The following BRWD1 variants were observed in gnomAD, a reference collection of about 807,000 sequenced individuals.
BRWD1 encodes the protein bromodomain and WD repeat domain containing 1.
BRWD1 carries 82 observed loss-of-function variants against 251.2 expected under a neutral mutation model. The observed-to-expected ratio is 0.33, with a 90% confidence interval of 0.27 to 0.39. The LOEUF is 0.39. Among genes scored for constraint, BRWD1 ranks in the 10% least tolerant of loss-of-function variants. The pLI is 1.00. For missense variants in BRWD1, 2,233 were observed against 2,711.6 expected (o/e 0.82, Z 3.92); for synonymous variants, 918 against 902.8 (o/e 1.02, Z -0.30).
At chr21:39,306,057 GTTATCT>G (rs2036277295) in intron 4 of BRWD1, among the ~76,000 whole-genome samples, 1 of 149,872 alleles carries the variant, frequency 6.7e-6, no homozygotes, top group South Asian at 2.1e-4. Flanking sequence ...ATTGAGACTA[GTTATCT>G]TTAAGTATCT....
intron 4 of BRWD1, among the ~76,000 whole-genome samples, chr21:39,310,729 A>AG (rs1230796577): frequency 1.3e-5 from 2 of 152,154 alleles, no homozygotes; most frequent in Non-Finnish European, 2.9e-5. Context: ...TCGCTCACCT[A>AG]GGCTGGAGCA....
intron 13 of BRWD1, 106 bp downstream of exon 13, chr21:39,274,268 C>T: frequency 1.2e-6 from 1 of 852,434 alleles, no homozygotes; most frequent in South Asian, 1.5e-5. Context: ...TAGCTATAAT[C>T]CCCTCAACAA....
At chr21:39,223,076 T>C (rs1182056380) in intron 29 of BRWD1, among the ~76,000 whole-genome samples, 1 of 152,178 alleles carries the variant, frequency 6.6e-6, no homozygotes, top group Non-Finnish European at 1.5e-5. Context: ...GGAGGGATCC[T>C]GGATTAAAGA....
Position 39,296,301 on chromosome 21 carries a change from CAGG to C in BRWD1, c.409_411del (p.Pro137del), listed in dbSNP as rs1177671984. 6.2e-7 allele frequency: 1 copy of C among 1,602,102 alleles called. No individual in the cohort carries two copies. The highest frequency in any genetic ancestry group is 1.8e-5 in the Admixed American group (1 of 57,020). Reference sequence around the variant, plus strand: ...GGGGAACCATAATTCACTGGCATTTCAGGAGGTCTTCCTCTATGAAGAGCAGCA... The same window carrying C: ...GGGGAACCATAATTCACTGGCATTTCAGGTCTTCCTCTATGAAGAGCAGCA... On this transcript the variant is annotated inframe_deletion, in exon 6 of 41. Transcript: ENST00000342449.
Position 39,187,236 on chromosome 21 carries a change from C to G in BRWD1, c.*9023G>C, listed in dbSNP as rs746377233. 6 of 1,613,412 alleles carry G rather than the reference C, an allele frequency of 3.7e-6. No homozygotes were observed. The highest frequency in any genetic ancestry group is 3.3e-5 in the Admixed American group (2 of 59,894). On this transcript the variant is annotated 3_prime_UTR_variant, in exon 41 of 41. Coordinates refer to ENST00000342449, the MANE Select transcript of BRWD1 (RefSeq NM_033656.4). Reference sequence around the variant, plus strand: ...TCCAGACATTTTCTGGTCCTGAGATCGTTTCTTTTAGATTACTCATTATCT... The same window carrying G: ...TCCAGACATTTTCTGGTCCTGAGATGGTTTCTTTTAGATTACTCATTATCT...
chr21:39,235,807 C>A, intron 23 of BRWD1: 1 of 175,220 alleles, frequency 5.7e-6, no homozygotes, highest in Non-Finnish European at 1.3e-5. Context: ...CCTATGCCAG[C>A]ACCCAGTTTC....
chr21:39,265,467 A>T (rs2034890630), intron 15 of BRWD1, among the ~76,000 whole-genome samples: 1 of 149,064 alleles, frequency 6.7e-6, no homozygotes, highest in Admixed American at 6.7e-5. Flanking sequence ...CATTAAGCAT[A>T]TACATCAATC....
Position 39,190,646 on chromosome 21 carries a change from T to C in BRWD1, c.*5613A>G, listed in dbSNP as rs1332197467. 2.0e-6 allele frequency: 2 copies of C among 985,238 alleles called. No individual in the cohort carries two copies. The highest frequency in any genetic ancestry group is 3.5e-5 in the African/African-American group (2 of 57,204). The allele number at this position is 985,238 out of a possible 1,614,324, so 61.0% of individuals were successfully genotyped here. On this transcript the variant is annotated 3_prime_UTR_variant, in exon 41 of 41. Transcript: ENST00000342449. Reference sequence around the variant, plus strand: ...CCAAAACTCAGAAAGCAAATAACATTTATCAATGATCTTCATCCCTCCCAA... The same window carrying C: ...CCAAAACTCAGAAAGCAAATAACATCTATCAATGATCTTCATCCCTCCCAA...
intron 10 of BRWD1, 89 bp downstream of exon 10, chr21:39,278,654 T>C: frequency 1.1e-6 from 1 of 897,302 alleles, no homozygotes; most frequent in Non-Finnish European, 1.7e-6. Context: ...ATTTACCATG[T>C]AGCTAATAAA....
chr21:39,214,501 A>T (rs1257790633), intron 32 of BRWD1, among the ~76,000 whole-genome samples: 1 of 152,184 alleles, frequency 6.6e-6, no homozygotes, highest in African/African-American at 2.4e-5. Flanking sequence ...AAAAAACTGA[A>T]GGAGACTAAG....
Position 39,187,442 on chromosome 21 carries a change from T to A in BRWD1, c.*8817A>T. 1.3e-6 allele frequency: 2 copies of A among 1,529,064 alleles called. No individual in the cohort carries two copies. Among genetic ancestry groups the A allele is most frequent in the Non-Finnish European group, 1.8e-6 (2 of 1,142,154 alleles). The allele number at this position is 1,529,064 out of a possible 1,614,324, so 94.7% of individuals were successfully genotyped here. A position where few individuals can be genotyped will look rare whatever the true frequency, so the allele number is the denominator to read the frequency against. On this transcript the variant is annotated 3_prime_UTR_variant, in exon 41 of 41. Coordinates refer to ENST00000342449, the MANE Select transcript of BRWD1 (RefSeq NM_033656.4). ...TCTGAAAAATGAGTGAAAGTTCATGTAAATGCAAAAATCTTGTAACACAAG... is the reference window on the plus strand; with the variant it reads ...TCTGAAAAATGAGTGAAAGTTCATGAAAATGCAAAAATCTTGTAACACAAG...
At chr21:39,317,578 C>T (rs980999721), upstream of BRWD1, among the ~76,000 whole-genome samples, 3 of 152,242 alleles carry the variant, frequency 2.0e-5, no homozygotes, top group Admixed American at 6.5e-5. Context: ...ACTGCAAAGT[C>T]CATTCTCCCT....
chr21:39,307,613 T>C (rs944366033), intron 4 of BRWD1, among the ~76,000 whole-genome samples: 1 of 152,204 alleles, frequency 6.6e-6, no homozygotes, highest in Non-Finnish European at 1.5e-5. Flanking sequence ...TTTTAAGTAC[T>C]CTACAGGATT....
intron 38 of BRWD1, among the ~76,000 whole-genome samples, chr21:39,201,174 GAGAA>G (rs1469159935): frequency 2.0e-5 from 3 of 152,154 alleles, no homozygotes; most frequent in East Asian, 1.9e-4. Flanking sequence ...AGCTACACGA[GAGAA>G]AGAGTGTGAG....
chr21:39,274,286 ACT>A, intron 13 of BRWD1, 86 bp downstream of exon 13: 1 of 1,056,138 alleles, frequency 9.5e-7, no homozygotes. Flanking sequence ...CAAAATAACC[ACT>A]GAGAGACACA....
intron 36 of BRWD1, among the ~76,000 whole-genome samples, chr21:39,207,692 C>T (rs1485500417): frequency 3.3e-5 from 5 of 152,236 alleles, no homozygotes; most frequent in South Asian, 2.1e-4. Context: ...CTGAGAGATA[C>T]GTGTATTCCA....
chr21:39,280,666 G>A (rs2035427517), intron 8 of BRWD1, among the ~76,000 whole-genome samples: 1 of 152,128 alleles, frequency 6.6e-6, no homozygotes, highest in Non-Finnish European at 1.5e-5. Flanking sequence ...GAGAAAACAT[G>A]AATCCTAATC....
At chr21:39,291,323 G>A (rs996295188) in intron 8 of BRWD1, among the ~76,000 whole-genome samples, 4 of 152,158 alleles carry the variant, frequency 2.6e-5, no homozygotes, top group African/African-American at 7.2e-5. Context: ...AAATTCTAAT[G>A]AGAGATACCA....
At chr21:39,259,470 C>CT (rs200248468) in intron 17 of BRWD1, among the ~76,000 whole-genome samples, 45,998 of 151,692 alleles carry the variant, frequency 0.3, 7,435 homozygotes, top group Non-Finnish European at 0.35. Context: ...TTTTGTATTT[C>CT]TTTTTTTTCA....
Sources: gnomAD v4.1 joint callset for allele counts (sites outside exome capture counted in the v4.1 genomes callset) on GRCh38, gnomAD v4.1.1 for gene constraint, MANE v1.5 for transcripts, NCBI Gene and HGNC (gene_info 2026-07-23, HGNC 2026-07-21) for gene names.